The following GNA13 variants were observed in gnomAD, a reference collection of about 807,000 sequenced individuals.
The protein encoded by GNA13 is G protein subunit alpha 13, also known as guanine nucleotide-binding protein subunit alpha-13.
A neutral mutation model predicts 33.5 loss-of-function variants in GNA13; 4 were observed. The ratio of observed to expected loss-of-function variants is 0.12; its 90% confidence interval spans 0.06 to 0.27. The LOEUF is 0.27. Among genes scored for constraint, GNA13 ranks in the 10% least tolerant of loss-of-function variants. GNA13 has a pLI of 1.00. For missense variants in GNA13, 319 were observed against 487.2 expected (o/e 0.65, Z 3.25); for synonymous variants, 176 against 183.8 (o/e 0.96, Z 0.34).
chr17:65,056,664 C>G lies in GNA13; in HGVS notation c.-71G>C. The G allele has an allele frequency of 7.8e-7, 1 of 1,284,510 alleles. No homozygotes were observed. Among genetic ancestry groups the G allele is most frequent in the Non-Finnish European group, 1.0e-6 (1 of 977,462 alleles). 79.6% of individuals were successfully genotyped at this position (1,284,510 alleles called of 1,614,324 possible). ...CACCTCCTCCTCCGGCGGCGGGCGGCTCCGGCACCGAGGCTCGAGGGCGGG... is the reference window on the plus strand; with the variant it reads ...CACCTCCTCCTCCGGCGGCGGGCGGGTCCGGCACCGAGGCTCGAGGGCGGG... On this transcript the variant is annotated 5_prime_UTR_variant, in exon 1 of 4. Coordinates refer to ENST00000439174, the MANE Select transcript of GNA13 (RefSeq NM_006572.6).
rs918610275 is a variant in GNA13 at position 65,031,695 on chromosome 17, T to C, written c.511-13392A>G. On this transcript the variant is annotated intron_variant, in intron 2 of 3. Transcript: ENST00000439174. The stretch of plus-strand genomic sequence containing the variant: ...TAAATATTTATTAGGCAGGACTCAT[T>C]AAGCATATGCTTGGGGAAAGCTATT... Among the ~76,000 whole-genome samples the C allele has an allele frequency of 3.0e-4, 45 of 152,202 alleles. 1 individual carries two copies. Among genetic ancestry groups the C allele is most frequent in the Admixed American group, 2.7e-3 (42 of 15,278 alleles).
rs747754269 is a variant in GNA13 at position 65,009,525 on chromosome 17, G to C, written c.*4732C>G. 6.6e-6 allele frequency among the ~76,000 whole-genome samples: 1 copy of C among 152,034 alleles called. No individual in the cohort carries two copies. Among genetic ancestry groups the C allele is most frequent in the Non-Finnish European group, 1.5e-5 (1 of 68,008 alleles). On this transcript the variant is annotated 3_prime_UTR_variant, in exon 4 of 4. Coordinates refer to ENST00000439174, the MANE Select transcript of GNA13 (RefSeq NM_006572.6). ...ATTTACAACAATTATCAGATAATGT[G>C]CTTAGTTCCTGGAAAGTTATAAAAA...
chr17:65,040,929 A>G (rs75897305), intron 2 of GNA13, among the ~76,000 whole-genome samples: 2,523 of 152,304 alleles, frequency 0.017, 67 homozygotes, highest in African/African-American at 0.057. Context: ...CTCTAGCAAC[A>G]TGGAAATTCT....
intron 2 of GNA13, among the ~76,000 whole-genome samples, chr17:65,022,415 A>AG (rs1906614299): frequency 2.0e-5 from 3 of 151,570 alleles, no homozygotes. Flanking sequence ...AAAAAAAAAA[A>AG]GGGAGTAAAT....
chr17:65,019,328 A>G (rs993135140), intron 2 of GNA13, among the ~76,000 whole-genome samples: 7 of 152,150 alleles, frequency 4.6e-5, no homozygotes, highest in African/African-American at 1.7e-4. Context: ...TACCCAAAAG[A>G]AAGGAAATGA....
chr17:65,021,837 T>C (rs1385853762), intron 2 of GNA13, among the ~76,000 whole-genome samples: 2 of 152,228 alleles, frequency 1.3e-5, no homozygotes, highest in African/African-American at 4.8e-5. Context: ...ATATAGATTT[T>C]CTAATAAAAA....
chr17:65,056,678 CTCG>C lies in GNA13; in HGVS notation c.-88_-86del. 4 of 1,068,276 alleles carry C rather than the reference CTCG, an allele frequency of 3.7e-6. No individual in the cohort carries two copies. The highest frequency in any genetic ancestry group is 4.9e-6 in the Non-Finnish European group (4 of 813,702). The allele number at this position is 1,068,276 out of a possible 1,614,324, so 66.2% of individuals were successfully genotyped here. A position where few individuals can be genotyped will look rare whatever the true frequency, so the allele number is the denominator to read the frequency against. On this transcript the variant is annotated 5_prime_UTR_variant, in exon 1 of 4. Transcript: ENST00000439174. Reference sequence around the variant, plus strand: ...GCGGCGGGCGGCTCCGGCACCGAGGCTCGAGGGCGGGGAGCGCGGCGGCGGCCC... The same window carrying C: ...GCGGCGGGCGGCTCCGGCACCGAGGCAGGGCGGGGAGCGCGGCGGCGGCCC...
chr17:65,044,199 G>A (rs1431034363), intron 2 of GNA13, among the ~76,000 whole-genome samples: 4 of 152,210 alleles, frequency 2.6e-5, no homozygotes, highest in African/African-American at 9.6e-5. Flanking sequence ...GGAAGATTAA[G>A]ATAAATAGCT....
intron 2 of GNA13, among the ~76,000 whole-genome samples, chr17:65,029,067 G>T (rs570277649): frequency 4.2e-4 from 64 of 152,286 alleles, no homozygotes; most frequent in African/African-American, 1.4e-3. Flanking sequence ...GAACACTGAA[G>T]GATCAAGGAT....
At chr17:65,016,640 G>A (rs1906380679) in intron 3 of GNA13, among the ~76,000 whole-genome samples, 1 of 152,226 alleles carries the variant, frequency 6.6e-6, no homozygotes, top group Non-Finnish European at 1.5e-5. Context: ...CGGATTATAG[G>A]CGTGAGCCAC....
intron 2 of GNA13, among the ~76,000 whole-genome samples, chr17:65,024,510 C>T (rs1210649802): frequency 6.6e-6 from 1 of 152,174 alleles, no homozygotes; most frequent in African/African-American, 2.4e-5. Flanking sequence ...TATATAAATA[C>T]CTACATAATG....
intron 2 of GNA13, among the ~76,000 whole-genome samples, chr17:65,046,210 T>C (rs1166738876): frequency 6.6e-6 from 1 of 152,184 alleles, no homozygotes; most frequent in East Asian, 1.9e-4. Context: ...AAAGCAAATG[T>C]TGTTATAAAA....
chr17:65,030,452 A>C (rs1325566856), intron 2 of GNA13, among the ~76,000 whole-genome samples: 1 of 152,270 alleles, frequency 6.6e-6, no homozygotes, highest in Admixed American at 6.5e-5. Flanking sequence ...AATTCTGATA[A>C]TGAGAATGTT....
rs753013543 is a variant in GNA13 at position 65,014,427 on chromosome 17, C to T, written c.964G>A (p.Val322Ile). 6.2e-6 allele frequency: 10 copies of T among 1,614,026 alleles called. No individual in the cohort carries two copies. The highest frequency in any genetic ancestry group is 8.5e-6 in the Non-Finnish European group (10 of 1,180,030). ...FEGDPHCLRD[V>I]QKFLVECFRN... ...AAACATTCCACCAGGAATTTTTGGA[C>T]GTCTCTTAAGCAGTGGGGATCCCCT... The change falls in exon 4 of 4, where the codon GTC (valine) becomes ATC (isoleucine). Residue 322 changes from valine (V) to isoleucine (I), a missense_variant. Val to Ile is a conservative substitution (Grantham distance 29, BLOSUM62 3). This residue lies in a region of GNA13 where 134 missense variants were observed against 241.3 expected (regional missense o/e 0.56). Transcript: ENST00000439174. The surrounding 1 kb of genome is among the most constrained non-coding windows in gnomAD (Gnocchi z 5.3).
intron 2 of GNA13, among the ~76,000 whole-genome samples, chr17:65,026,375 G>T (rs1487830742): frequency 6.6e-6 from 1 of 152,086 alleles, no homozygotes; most frequent in African/African-American, 2.4e-5. Context: ...AGGGAATGAT[G>T]ATCTATAGTT....
At chr17:65,028,850 A>G (rs1598486215) in intron 2 of GNA13, among the ~76,000 whole-genome samples, 1 of 152,182 alleles carries the variant, frequency 6.6e-6, no homozygotes, top group African/African-American at 2.4e-5. Context: ...CCAGAGAGCT[A>G]CAGCCTCTAC....
At position 65,011,972 on chromosome 17, in the gene GNA13, T is replaced by C. The variant is rs1056922038; in HGVS notation, c.*2285A>G. The C allele has an allele frequency of 4.4e-6, 1 of 227,116 alleles. No homozygotes were observed. Among genetic ancestry groups the C allele is most frequent in the East Asian group, 6.4e-5 (1 of 15,724 alleles). The allele number at this position is 227,116 out of a possible 1,614,324, so 14.1% of individuals were successfully genotyped here. Reference sequence around the variant, plus strand: ...AGATTGAACTTAAAGTTCTACTGAATGTCAAAACAAGCCTAAGTTGAATAT... The same window carrying C: ...AGATTGAACTTAAAGTTCTACTGAACGTCAAAACAAGCCTAAGTTGAATAT... On this transcript the variant is annotated 3_prime_UTR_variant, in exon 4 of 4. Transcript: ENST00000439174.
At chr17:65,034,889 G>A (rs966308725) in intron 2 of GNA13, among the ~76,000 whole-genome samples, 17 of 150,930 alleles carry the variant, frequency 1.1e-4, no homozygotes, top group African/African-American at 2.4e-4. Flanking sequence ...TGGTTCAAGC[G>A]ATTCTCCTGC....
intron 2 of GNA13, chr17:65,052,047 A>T (rs1294210950): frequency 6.6e-6 from 1 of 152,258 alleles, no homozygotes; most frequent in East Asian, 1.9e-4. Flanking sequence ...ACTGCTTCTA[A>T]GTATAAATAA....
Sources: gnomAD v4.1 joint callset for allele counts (sites outside exome capture counted in the v4.1 genomes callset) on GRCh38, gnomAD v4.1.1 for gene constraint, gnomAD v4.1.1 regional missense constraint, Gnocchi (gnomAD v3.1) non-coding constraint, MANE v1.5 for transcripts, NCBI Gene and HGNC (gene_info 2026-07-23, HGNC 2026-07-21) for gene names.